Variants in C16orf96 observed in about 807,000 individuals in gnomAD.
The protein encoded by C16orf96 is uncharacterized protein C16orf96.
Under a neutral mutation model 103.6 loss-of-function variants are expected in C16orf96, and 108 were observed. The observed-to-expected ratio is 1.04, with a 90% CI of 0.89 to 1.22. C16orf96 has a LOEUF of 1.22. Ranked by LOEUF, C16orf96 falls within the 50% of genes most tolerant of loss-of-function variation. The pLI is 0.00. For missense variants in C16orf96, 1,586 were observed against 1,464.2 expected (o/e 1.08, Z -1.36); for synonymous variants, 566 against 593.5 (o/e 0.95, Z 0.67).
In C16orf96 at chr16:4,588,202, C is replaced by T. The variant is rs1200545048; in HGVS notation, c.2463C>T (p.Ser821=). The part of the protein sequence containing the change: ...ADRSALAGKA[S]RVDLETVALE... ...GGAGTGCCCTGGCAGGCAAGGCAAG[C>T]CGCGTTGACCTGGAGACTGTGGCCT... is the stretch of plus-strand genomic sequence containing the variant. Residue 821 remains serine, a synonymous_variant, in exon 9 of 16, where the codon AGC becomes AGT. Coordinates refer to ENST00000444310, the MANE Select transcript of C16orf96 (RefSeq NM_001145011.2). 4 of 1,551,432 alleles carry T rather than the reference C, an allele frequency of 2.6e-6. No individual in the cohort carries two copies. The highest frequency in any genetic ancestry group is 3.9e-5 in the Admixed American group (2 of 50,970).
At position 4,593,254 on chromosome 16, in the gene C16orf96, G is replaced by C. The variant is rs1005924453; in HGVS notation, c.2805G>C (p.Leu935=). ...PQLITIRKAH[L]LSRLRPASAN... ...TGATCACCATCCGCAAAGCCCACCT[G>C]CTGTCCCGGCTGCGGCCAGCCAGCG... Residue 935 remains leucine, a synonymous_variant, in exon 12 of 16, where the codon CTG becomes CTC. Coordinates refer to ENST00000444310, the MANE Select transcript of C16orf96 (RefSeq NM_001145011.2). This position sits in a 1 kb window ranked among gnomAD's most constrained non-coding sequence, Gnocchi z 4.2. The C allele has an allele frequency of 6.4e-6, 10 of 1,550,960 alleles. No homozygotes were observed. The African/African-American group carries it at 1.2e-4, about 19-fold the overall frequency.
intron 2 of C16orf96, among the ~76,000 whole-genome samples, chr16:4,574,379 G>A (rs571936915): frequency 4.7e-4 from 72 of 152,216 alleles, no homozygotes; most frequent in African/African-American, 1.5e-3. Context: ...ATGCCATCAG[G>A]CCCAGCTAAT....
chr16:4,572,086 G>A (rs2059445369), intron 2 of C16orf96, among the ~76,000 whole-genome samples: 1 of 151,014 alleles, frequency 6.6e-6, no homozygotes, highest in Admixed American at 6.6e-5. Context: ...CTGACCTCGT[G>A]ATCCACCCAC....
chr16:4,588,292 G>T lies in C16orf96; in HGVS notation c.2553G>T (p.Lys851Asn). 1 of 1,551,716 alleles carries T rather than the reference G, an allele frequency of 6.4e-7. No homozygotes were observed. The highest frequency in any genetic ancestry group is 8.7e-7 in the Non-Finnish European group (1 of 1,146,982). The change falls in exon 9 of 16, where the codon AAG becomes AAT. Residue 851 changes from lysine (K) to asparagine (N), a missense_variant. Lys to Asn is a moderately conservative substitution (Grantham distance 94, BLOSUM62 0). Coordinates refer to ENST00000444310, the MANE Select transcript of C16orf96 (RefSeq NM_001145011.2). ...TCACGATCCATGAGGACAGCTGGAA[G>T]AAGGCTATGGAGGAGCTCAGCAAGG... Reference protein sequence around the residue: ...FKVTIHEDSWKKAMEELSKDV... With the variant: ...FKVTIHEDSWNKAMEELSKDV...
Position 4,574,964 on chromosome 16 carries a change from C to T in C16orf96, c.607-8C>T. 1.3e-6 allele frequency: 2 copies of T among 1,551,210 alleles called. No individual in the cohort carries two copies. Among genetic ancestry groups the T allele is most frequent in the Non-Finnish European group, 1.7e-6 (2 of 1,146,818 alleles). Reference sequence around the variant, plus strand: ...TCACAGCCCTCATTTTCTACCCCCACCTTGCAGGCTTCTCTCCAGAATAAG... The same window carrying T: ...TCACAGCCCTCATTTTCTACCCCCATCTTGCAGGCTTCTCTCCAGAATAAG... On this transcript the variant is annotated splice_polypyrimidine_tract_variant and splice_region_variant and intron_variant, in intron 3 of 15. Transcript: ENST00000444310.
At chr16:4,568,563 G>A (rs927910615) in intron 1 of C16orf96, among the ~76,000 whole-genome samples, 8 of 151,872 alleles carry the variant, frequency 5.3e-5, no homozygotes, top group African/African-American at 1.9e-4. Flanking sequence ...AAAATGCTGG[G>A]ATTACAGGTG....
At chr16:4,552,273 G>A (rs537841448), upstream of C16orf96, among the ~76,000 whole-genome samples, 59 of 152,196 alleles carry the variant, frequency 3.9e-4, no homozygotes, top group African/African-American at 1.4e-3. Context: ...CCTGAGGTCA[G>A]GAGCTCGAGA....
the C16orf96 span, among the ~76,000 whole-genome samples, chr16:4,546,265 TCTC>T: frequency 6.6e-6 from 1 of 151,070 alleles, no homozygotes; most frequent in African/African-American, 2.4e-5. Flanking sequence ...TTCACGCCAT[TCTC>T]CTGCCTCAGC....
At chr16:4,574,279 G>T (rs1017428958) in intron 2 of C16orf96, among the ~76,000 whole-genome samples, 7 of 152,046 alleles carry the variant, frequency 4.6e-5, no homozygotes, top group African/African-American at 1.7e-4. Flanking sequence ...CTGGAGTGCA[G>T]TGGCGCCATC....
chr16:4,579,614 A>AT lies in C16orf96; in HGVS notation c.2242-386dup, dbSNP rs143473771. On this transcript the variant is annotated intron_variant, in intron 6 of 15. Coordinates refer to ENST00000444310, the MANE Select transcript of C16orf96 (RefSeq NM_001145011.2). ...GGAAGGCACCCTGGTCTGATACCTTATTTTTTTTTTTTTTTGAGACGGAAT... is the reference window on the plus strand; with the variant it reads ...GGAAGGCACCCTGGTCTGATACCTTATTTTTTTTTTTTTTTTGAGACGGAAT... Among the ~76,000 whole-genome samples, 216 of 117,622 alleles carry AT rather than the reference A, an allele frequency of 1.8e-3. 2 individuals carry two copies. Among genetic ancestry groups the AT allele is most frequent in the African/African-American group, 6.7e-3 (207 of 31,010 alleles). The allele number at this position is 117,622 out of a possible 152,430, so 77.2% of individuals were successfully genotyped here.
chr16:4,566,509 C>T (rs1346734984), intron 1 of C16orf96, among the ~76,000 whole-genome samples: 1 of 152,036 alleles, frequency 6.6e-6, no homozygotes, highest in Admixed American at 6.6e-5. Context: ...CAGATCTTTG[C>T]CCATTTTTAA....
chr16:4,545,348 A>G, the C16orf96 span, among the ~76,000 whole-genome samples: 1 of 152,190 alleles, frequency 6.6e-6, no homozygotes, highest in Non-Finnish European at 1.5e-5. Flanking sequence ...CTGGGACTAC[A>G]GGTGCATGCA....
At chr16:4,561,852 G>C (rs2059335490) in intron 1 of C16orf96, among the ~76,000 whole-genome samples, 1 of 152,050 alleles carries the variant, frequency 6.6e-6, no homozygotes, top group South Asian at 2.1e-4. Flanking sequence ...TGTTCCTTTC[G>C]CGAGTCCCAG....
the C16orf96 span, among the ~76,000 whole-genome samples, chr16:4,544,154 C>T: frequency 6.6e-6 from 1 of 152,144 alleles, no homozygotes; most frequent in Admixed American, 6.6e-5. Context: ...GAACAGTCAA[C>T]GTGAACATTA....
intron 11 of C16orf96, 116 bp downstream of exon 11, chr16:4,592,483 A>G (rs1184706641): frequency 1.7e-6 from 2 of 1,207,814 alleles, no homozygotes; most frequent in Non-Finnish European, 2.4e-6. Flanking sequence ...ACACATCCAT[A>G]TACAGCATTC....
chr16:4,593,598 A>G lies in C16orf96; in HGVS notation c.2867+282A>G, dbSNP rs974684283. Reference sequence around the variant, plus strand: ...TATTTAAATCTCACAACCCCCTGTGAGCTAGGGTTCCTATGCCCATGTCCC... The same window carrying G: ...TATTTAAATCTCACAACCCCCTGTGGGCTAGGGTTCCTATGCCCATGTCCC... On this transcript the variant is annotated intron_variant, in intron 12 of 15. Coordinates refer to ENST00000444310, the MANE Select transcript of C16orf96 (RefSeq NM_001145011.2). This position sits in a 1 kb window ranked among gnomAD's most constrained non-coding sequence, Gnocchi z 4.2. Among the ~76,000 whole-genome samples the G allele has an allele frequency of 1.3e-5, 2 of 151,744 alleles. No homozygotes were observed. Among genetic ancestry groups the G allele is most frequent in the African/African-American group, 4.8e-5 (2 of 41,272 alleles).
Position 4,599,341 on chromosome 16 carries a change from C to T in C16orf96, c.3185C>T (p.Ala1062Val). Residue 1062 changes from alanine to valine, a missense_variant, in exon 15 of 16, where the codon GCC (alanine) becomes GTC (valine). By Grantham distance (64) the Ala-to-Val change is moderately conservative. Transcript: ENST00000444310. ...QSLYDRVHSS[A>V]LFGAICPPLC... ...CTGTATGACCGTGTGCACTCCAGTGCCCTATTTGGCGCCATCTGCCCCCGT... is the reference window on the plus strand; with the variant it reads ...CTGTATGACCGTGTGCACTCCAGTGTCCTATTTGGCGCCATCTGCCCCCGT... 1 of 1,551,662 alleles carries T rather than the reference C, an allele frequency of 6.4e-7. No homozygotes were observed. The highest frequency in any genetic ancestry group is 8.7e-7 in the Non-Finnish European group (1 of 1,146,948).
intron 12 of C16orf96, among the ~76,000 whole-genome samples, 172 bp from the exon 13 acceptor site, chr16:4,594,179 T>G (rs1224008928): frequency 6.6e-6 from 1 of 152,208 alleles, no homozygotes; most frequent in Non-Finnish European, 1.5e-5. Flanking sequence ...TCTGCCCCAC[T>G]GTGTGTGTCT....
chr16:4,563,032 T>A, intron 1 of C16orf96: 1 of 957,102 alleles, frequency 1.0e-6, no homozygotes, highest in Non-Finnish European at 1.7e-6. Flanking sequence ...CTGCTGCTCC[T>A]CTGTCAGAAG....
Sources: allele counts gnomAD v4.1 joint callset (sites outside exome capture counted in the v4.1 genomes callset), GRCh38; gene constraint gnomAD v4.1.1; non-coding constraint Gnocchi (gnomAD v3.1); transcripts MANE v1.5; gene names NCBI Gene and HGNC (gene_info 2026-07-23, HGNC 2026-07-21).